FLT3: variants seen among roughly 807,000 people sequenced by gnomAD.
FLT3 encodes receptor-type tyrosine-protein kinase FLT3.
A neutral mutation model predicts 126.6 loss-of-function variants in FLT3; 46 were observed. The observed-to-expected ratio is 0.36, with a 90% CI of 0.29 to 0.46. The LOEUF (loss-of-function observed/expected upper bound fraction) is 0.46. FLT3 is among the 20% of genes least tolerant of loss of function. The probability of loss-of-function intolerance (pLI) is 1.00; values close to 1 mark genes in which losing one functional copy is unlikely to be tolerated. For missense variants in FLT3, 1,069 were observed against 1,190.3 expected (o/e 0.90, Z 1.50); for synonymous variants, 404 against 434.4 (o/e 0.93, Z 0.87).
chr13:28,004,217 T>G, intron 23 of FLT3, 43 bp from the exon 24 acceptor site: 3 of 1,600,210 alleles, frequency 1.9e-6, no homozygotes, highest in Non-Finnish European at 2.6e-6. Flanking sequence ...CCATCTGATG[T>G]AGATGCACAT....
chr13:28,026,005 A>G (rs1314626271), intron 17 of FLT3, among the ~76,000 whole-genome samples: 1 of 152,134 alleles, frequency 6.6e-6, no homozygotes, highest in African/African-American at 2.4e-5. Flanking sequence ...TCCAATAAAC[A>G]AATACCCTTC....
Position 28,077,411 on chromosome 13 carries a change from G to A in FLT3, c.44-6799C>T, listed in dbSNP as rs547604753. Among the ~76,000 whole-genome samples, 8 of 152,258 alleles carry A rather than the reference G, an allele frequency of 5.3e-5. No individual in the cohort carries two copies. The East Asian group carries it at 1.5e-3, about 29-fold the overall frequency. On this transcript the variant is annotated intron_variant, in intron 1 of 23. Transcript: ENST00000241453. Reference sequence around the variant, plus strand: ...GCAGCAAGAGAAAAATGAGGAAGCAGCAAAAGCAGAACCCCCTGATAAACC... The same window carrying A: ...GCAGCAAGAGAAAAATGAGGAAGCAACAAAAGCAGAACCCCCTGATAAACC...
Position 28,035,025 on chromosome 13 carries a change from C to T in FLT3, c.1597+470G>A, listed in dbSNP as rs75906513. On this transcript the variant is annotated intron_variant, in intron 12 of 23. Coordinates refer to ENST00000241453, the MANE Select transcript of FLT3 (RefSeq NM_004119.3). ...AAGTTCATATCCCTTTTATGAAGGT[C>T]GCACATGAAAGTGGAGAAGTCAGTT... Among the ~76,000 whole-genome samples, 1,173 of 152,148 alleles carry T rather than the reference C, an allele frequency of 7.7e-3. 9 individuals carry two copies. The highest frequency in any genetic ancestry group is 0.013 in the Non-Finnish European group (868 of 68,016).
chr13:28,025,831 C>T (rs1376579165), intron 17 of FLT3, among the ~76,000 whole-genome samples: 2 of 152,090 alleles, frequency 1.3e-5, no homozygotes, highest in East Asian at 3.9e-4. Flanking sequence ...CAGCTGCACA[C>T]GGACGTGCAT....
intron 11 of FLT3, 55 bp from the exon 12 acceptor site, chr13:28,035,728 G>C: frequency 6.5e-7 from 1 of 1,544,930 alleles, no homozygotes; most frequent in East Asian, 2.2e-5. Flanking sequence ...CAGATTGGAA[G>C]TTAGGATTTC....
intron 23 of FLT3, among the ~76,000 whole-genome samples, chr13:28,011,908 C>T (rs1871426773): frequency 6.6e-6 from 1 of 152,092 alleles, no homozygotes; most frequent in African/African-American, 2.4e-5. Context: ...AGCGATTCTT[C>T]TGCCTCAGCC....
Position 28,100,488 on chromosome 13 carries a change from C to T in FLT3, c.23G>A (p.Gly8Asp). The change falls in exon 1 of 24, where the codon GGC (glycine) becomes GAC (aspartate). Residue 8 changes from glycine (G) to aspartate (D), a missense_variant. Transcript: ENST00000241453. The surrounding 1 kb of genome is among the most constrained non-coding windows in gnomAD (Gnocchi z 4.8). The stretch of plus-strand genomic sequence containing the variant: ...CTTACCGAGCAGCGGCAGCTGGCCG[C>T]CGTCGCGCGCCAACGCCGGCATGGC... MPALARDGGQLPLLVVFS... is the reference protein window; with the variant it reads MPALARDDGQLPLLVVFS... The T allele has an allele frequency of 8.2e-7, 1 of 1,217,168 alleles. No individual in the cohort carries two copies. The highest frequency in any genetic ancestry group is 4.1e-5 in the South Asian group (1 of 24,228). The allele number at this position is 1,217,168 out of a possible 1,614,324, so 75.4% of individuals were successfully genotyped here.
intron 1 of FLT3, among the ~76,000 whole-genome samples, chr13:28,099,705 G>T (rs1055007829): frequency 4.6e-5 from 7 of 152,092 alleles, no homozygotes; most frequent in Admixed American, 4.6e-4. Context: ...ATAGAAAGCT[G>T]ACGCGAACCG....
Position 28,063,782 on chromosome 13 carries a change from C to T in FLT3, c.166-1713G>A, listed in dbSNP as rs116754560. On this transcript the variant is annotated intron_variant, in intron 2 of 23. Transcript: ENST00000241453. ...TCTTGCCCTTAAAGAGTTTGAGTCT[C>T]CTAGGAATAAATAAGTAAAACACAG... Among the ~76,000 whole-genome samples the T allele has an allele frequency of 5.5e-3, 834 of 151,712 alleles. 13 individuals carry two copies. Among genetic ancestry groups the T allele is most frequent in the African/African-American group, 0.019 (791 of 41,350 alleles).
At chr13:28,080,690 T>C (rs1370637044) in intron 1 of FLT3, among the ~76,000 whole-genome samples, 1 of 152,222 alleles carries the variant, frequency 6.6e-6, no homozygotes, top group Non-Finnish European at 1.5e-5. Flanking sequence ...CTTTTATGGA[T>C]CATGCTTTTG....
At chr13:28,037,420 G>A (rs748988352) in intron 9 of FLT3, 132 bp from the exon 10 acceptor site, 5 of 640,796 alleles carry the variant, frequency 7.8e-6, no homozygotes, top group Non-Finnish European at 1.4e-5. Context: ...AAAAGGAAAT[G>A]TCCATATTGT....
In FLT3 at chr13:28,023,451, T is replaced by G. The variant is rs1318954083; in HGVS notation, c.2317A>C (p.Arg773=). ...TTCAAGTCCTCCTCTTCTTCCAGCC[T>G]TTTTTGGTTTTCATATTCAATTTCA... ...EDEIEYENQK[R]LEEEEDLNVL... The change falls in exon 19 of 24, where the codon AGG becomes CGG. Residue 773 remains arginine, a synonymous_variant. Transcript: ENST00000241453. 14 of 1,612,826 alleles carry G rather than the reference T, an allele frequency of 8.7e-6. No homozygotes were observed. Among genetic ancestry groups the G allele is most frequent in the Non-Finnish European group, 9.3e-6 (11 of 1,179,178 alleles).
chr13:28,014,482 T>C lies in FLT3; in HGVS notation c.2829A>G (p.Leu943=), dbSNP rs1300203094. ...RPSFPNLTSF[L]GCQLADAEEA... Reference sequence around the variant, plus strand: ...CTTCTGCATCTGCCAGCTGACATCCTAAAAACGAAGTCAAATTAGGGAAGG... The same window carrying C: ...CTTCTGCATCTGCCAGCTGACATCCCAAAAACGAAGTCAAATTAGGGAAGG... Residue 943 remains leucine (L), a synonymous_variant, in exon 23 of 24, where the codon TTA becomes TTG. Transcript: ENST00000241453. The C allele has an allele frequency of 1.2e-6, 2 of 1,613,982 alleles. No homozygotes were observed. Among genetic ancestry groups the C allele is most frequent in the East Asian group, 4.5e-5 (2 of 44,886 alleles).
intron 1 of FLT3, among the ~76,000 whole-genome samples, chr13:28,097,294 T>C (rs1879520651): frequency 1.3e-5 from 2 of 152,142 alleles, no homozygotes; most frequent in South Asian, 4.1e-4. Flanking sequence ...AATTAAAGTT[T>C]GTTAAATAAA....
intron 1 of FLT3, among the ~76,000 whole-genome samples, chr13:28,087,541 T>C (rs1878756535): frequency 1.3e-5 from 2 of 152,230 alleles, no homozygotes; most frequent in Admixed American, 1.3e-4. Context: ...ACTGGGCTTC[T>C]TGAACCCATA....
At chr13:28,010,041 G>GC (rs1319186700) in intron 23 of FLT3, among the ~76,000 whole-genome samples, 2 of 152,052 alleles carry the variant, frequency 1.3e-5, no homozygotes, top group Non-Finnish European at 2.9e-5. Context: ...TGCTGCTGCC[G>GC]CCCCTCTCAA....
chr13:28,022,263 G>A (rs1266466497), intron 19 of FLT3, among the ~76,000 whole-genome samples: 1 of 152,070 alleles, frequency 6.6e-6, no homozygotes, highest in Non-Finnish European at 1.5e-5. Flanking sequence ...TGTAATCCCA[G>A]CACTTTGGGA....
At chr13:28,007,341 G>A (rs1256335119) in intron 23 of FLT3, among the ~76,000 whole-genome samples, 1 of 152,080 alleles carries the variant, frequency 6.6e-6, no homozygotes, top group Non-Finnish European at 1.5e-5. Flanking sequence ...CAACCTCCTA[G>A]GCAGAAGTGA....
intron 12 of FLT3, among the ~76,000 whole-genome samples, 163 bp downstream of exon 12, chr13:28,035,332 G>A (rs1873733887): frequency 6.6e-6 from 1 of 152,218 alleles, no homozygotes; most frequent in Non-Finnish European, 1.5e-5. Flanking sequence ...GCCCCAACCT[G>A]TGAAACAGTC....
Sources: gnomAD v4.1 joint callset for allele counts (sites outside exome capture counted in the v4.1 genomes callset) on GRCh38, gnomAD v4.1.1 for gene constraint, Gnocchi (gnomAD v3.1) non-coding constraint, MANE v1.5 for transcripts, NCBI Gene and HGNC (gene_info 2026-07-23, HGNC 2026-07-21) for gene names.